ARHGAP26: variants seen among roughly 807,000 people sequenced by gnomAD.
ARHGAP26 encodes the protein rho GTPase-activating protein 26.
In ARHGAP26, 38 loss-of-function variants were observed where a neutral mutation model predicts 104.8. The observed-to-expected ratio is 0.36, with a 90% CI of 0.28 to 0.48. ARHGAP26 has a LOEUF of 0.48. Among genes scored for constraint, ARHGAP26 ranks in the 20% least tolerant of loss-of-function variants. The pLI, the probability that ARHGAP26 is intolerant of heterozygous loss-of-function variation, is 0.99. For synonymous variants in ARHGAP26, 341 were observed against 340.0 expected (o/e 1.00, Z -0.03); for missense variants, 704 against 947.9 (o/e 0.74, Z 3.38).
intron 5 of ARHGAP26, among the ~76,000 whole-genome samples, chr5:142,889,583 A>C (rs930154487): frequency 5.3e-5 from 8 of 152,064 alleles, no homozygotes; most frequent in Admixed American, 1.3e-4. Context: ...ATGCCACTCC[A>C]CTCCAGCCTG....
At chr5:142,888,205 GATAA>G (rs1757994561) in intron 5 of ARHGAP26, among the ~76,000 whole-genome samples, 2 of 152,200 alleles carry the variant, frequency 1.3e-5, no homozygotes, top group Admixed American at 6.5e-5. Context: ...GCTCAGATAG[GATAA>G]ATAGCTTAGT....
intron 20 of ARHGAP26, among the ~76,000 whole-genome samples, chr5:143,197,889 C>T (rs1807110006): frequency 6.6e-6 from 1 of 152,094 alleles, no homozygotes; most frequent in African/African-American, 2.4e-5. Flanking sequence ...GAGCACTTTC[C>T]ACTAGTAGCA....
intron 1 of ARHGAP26, among the ~76,000 whole-genome samples, chr5:142,851,192 G>T (rs1301149305): frequency 6.6e-6 from 1 of 151,610 alleles, no homozygotes; most frequent in Non-Finnish European, 1.5e-5. Flanking sequence ...TGCCTCACGA[G>T]TTAAAGCGAT....
chr5:143,022,968 AG>A (rs1300854422), intron 12 of ARHGAP26, among the ~76,000 whole-genome samples: 1 of 152,182 alleles, frequency 6.6e-6, no homozygotes, highest in Non-Finnish European at 1.5e-5. Context: ...TTTGTGGCTG[AG>A]GGGCCATCCC....
At chr5:143,046,977 T>C (rs1189754114) in intron 14 of ARHGAP26, among the ~76,000 whole-genome samples, 2 of 152,248 alleles carry the variant, frequency 1.3e-5, no homozygotes, top group Non-Finnish European at 2.9e-5. Flanking sequence ...ACAGTATGTT[T>C]ACAAAATTGA....
chr5:143,211,369 C>T (rs1424215932), intron 21 of ARHGAP26, among the ~76,000 whole-genome samples: 1 of 152,086 alleles, frequency 6.6e-6, no homozygotes, highest in African/African-American at 2.4e-5. Context: ...TTTTATCTGG[C>T]AACCCTACCC....
intron 20 of ARHGAP26, among the ~76,000 whole-genome samples, chr5:143,167,268 AC>A (rs1802091701): frequency 6.7e-6 from 1 of 148,534 alleles, no homozygotes; most frequent in African/African-American, 2.5e-5. Context: ...AGAGTTTGAG[AC>A]CAGCCTGGCC....
At position 142,945,291 on chromosome 5, in the gene ARHGAP26, A is replaced by G. The variant is rs74410052; in HGVS notation, c.1107+13166A>G. On this transcript the variant is annotated intron_variant, in intron 11 of 22. Coordinates refer to ENST00000645722, the MANE Select transcript of ARHGAP26 (RefSeq NM_001135608.3). ...TTTCAGCCTTTCTACCTGTGCTTCT[A>G]TCTCAGAGAAGAGATGGAAGATGCC... Among the ~76,000 whole-genome samples the G allele has an allele frequency of 6.7e-3, 1,013 of 152,290 alleles. 13 individuals carry two copies. Among genetic ancestry groups the G allele is most frequent in the African/African-American group, 0.022 (913 of 41,568 alleles).
At chr5:143,010,257 G>C (rs923763761) in intron 11 of ARHGAP26, among the ~76,000 whole-genome samples, 3 of 152,162 alleles carry the variant, frequency 2.0e-5, no homozygotes, top group African/African-American at 7.2e-5. Context: ...AAGGTAAAAG[G>C]GTATTGGAAC....
intron 16 of ARHGAP26, among the ~76,000 whole-genome samples, chr5:143,057,237 C>G (rs551704577): frequency 2.0e-5 from 3 of 152,112 alleles, no homozygotes; most frequent in Non-Finnish European, 4.4e-5. Flanking sequence ...TATTTGAAAC[C>G]CTTGCAATGT....
intron 11 of ARHGAP26, among the ~76,000 whole-genome samples, chr5:142,941,627 A>G (rs1766365524): frequency 6.6e-6 from 1 of 152,232 alleles, no homozygotes; most frequent in East Asian, 1.9e-4. Context: ...ATGATATCAC[A>G]TCAATGCACT....
intron 20 of ARHGAP26, among the ~76,000 whole-genome samples, chr5:143,173,643 C>T (rs1422461598): frequency 6.6e-6 from 1 of 152,202 alleles, no homozygotes; most frequent in Non-Finnish European, 1.5e-5. Flanking sequence ...GTAGCAGCCT[C>T]AGAAAGGTTA....
intron 12 of ARHGAP26, among the ~76,000 whole-genome samples, chr5:143,033,204 C>T (rs1224595002): frequency 6.6e-6 from 1 of 152,144 alleles, no homozygotes; most frequent in East Asian, 1.9e-4. Flanking sequence ...ATATGTAAGA[C>T]CTTTATGTGT....
chr5:142,822,639 A>G (rs1766421365), intron 1 of ARHGAP26, among the ~76,000 whole-genome samples: 1 of 152,092 alleles, frequency 6.6e-6, no homozygotes, highest in Non-Finnish European at 1.5e-5. Context: ...CATATATCTC[A>G]CCATGTGTGT....
chr5:143,083,647 TGCCACTACACCC>T (rs1790137095), intron 17 of ARHGAP26, among the ~76,000 whole-genome samples: 1 of 152,050 alleles, frequency 6.6e-6, no homozygotes, highest in Admixed American at 6.6e-5. Flanking sequence ...TACAGGCACC[TGCCACTACACCC>T]GGCTAATTTT....
At chr5:142,936,204 G>A (rs1254809189) in intron 11 of ARHGAP26, among the ~76,000 whole-genome samples, 1 of 150,564 alleles carries the variant, frequency 6.6e-6, no homozygotes, top group African/African-American at 2.5e-5. Context: ...ATAGACATAT[G>A]CACAAAATCA....
At chr5:142,823,975 G>A (rs185271876) in intron 1 of ARHGAP26, among the ~76,000 whole-genome samples, 1 of 152,276 alleles carries the variant, frequency 6.6e-6, no homozygotes, top group East Asian at 1.9e-4. Context: ...AAATAACAAA[G>A]CAATGGATGA....
At chr5:142,959,794 A>G (rs1769909780) in intron 11 of ARHGAP26, among the ~76,000 whole-genome samples, 1 of 152,254 alleles carries the variant, frequency 6.6e-6, no homozygotes, top group Admixed American at 6.5e-5. Context: ...AGTAGTACCT[A>G]GATTAGTGTT....
At chr5:143,186,729 A>G (rs917637654) in intron 20 of ARHGAP26, among the ~76,000 whole-genome samples, 5 of 152,196 alleles carry the variant, frequency 3.3e-5, no homozygotes, top group Non-Finnish European at 4.4e-5. Context: ...CTGAGCACCT[A>G]TGAACTTGTC....
Sources: gnomAD v4.1 joint callset for allele counts (sites outside exome capture counted in the v4.1 genomes callset) on GRCh38, gnomAD v4.1.1 for gene constraint, MANE v1.5 for transcripts, NCBI Gene and HGNC (gene_info 2026-07-23, HGNC 2026-07-21) for gene names.